Variants in SDAD1 observed in about 807,000 individuals in gnomAD.
SDAD1 encodes the protein SDA1 domain containing 1.
Under a neutral mutation model 100.3 loss-of-function variants are expected in SDAD1, and 79 were observed. That is an observed-to-expected ratio of 0.79 (90% CI 0.66 to 0.95). SDAD1 has a LOEUF of 0.95. SDAD1 is among the 40% of genes least tolerant of loss of function. SDAD1 has a pLI of 0.00. For missense variants in SDAD1, 790 were observed against 810.9 expected, an observed-to-expected ratio of 0.97 and a Z score of 0.31; for synonymous variants, 267 against 271.4, an observed-to-expected ratio of 0.98 and a Z score of 0.16.
At chr4:75,971,299 C>T (rs1023412208) in intron 9 of SDAD1, 58 bp downstream of exon 9, 22 of 1,190,746 alleles carry the variant, frequency 1.8e-5, no homozygotes, top group South Asian at 2.6e-5. Context: ...CTCTGGCTAA[C>T]GACAACATAT....
rs1290203952 is a variant in SDAD1 at position 75,990,768 on chromosome 4, G to A, written c.74C>T (p.Pro25Leu). The change falls in exon 1 of 22, where the codon CCG becomes CTG. Residue 25 changes from proline to leucine, a missense_variant. Coordinates refer to ENST00000356260, the MANE Select transcript of SDAD1 (RefSeq NM_018115.4). Reference sequence around the variant, plus strand: ...CACTCCCACCTCCTCGATGTAGGCCGGCGGGTCTCGCTTGATTAGATTCTG... The same window carrying A: ...CACTCCCACCTCCTCGATGTAGGCCAGCGGGTCTCGCTTGATTAGATTCTG... ...QLQNLIKRDPPAYIEEFLQQY... is the reference protein window; with the variant it reads ...QLQNLIKRDPLAYIEEFLQQY... The A allele has an allele frequency of 1.9e-6, 3 of 1,614,108 alleles. No individual in the cohort carries two copies. The highest frequency in any genetic ancestry group is 1.3e-5 in the African/African-American group (1 of 75,048).
chr4:75,970,010 A>G (rs1729775608), intron 10 of SDAD1, among the ~76,000 whole-genome samples: 1 of 151,278 alleles, frequency 6.6e-6, no homozygotes, highest in Non-Finnish European at 1.5e-5. Context: ...TTTTTAAAAA[A>G]GGACCAACAA....
At chr4:75,964,718 C>T (rs1910907) in intron 13 of SDAD1, among the ~76,000 whole-genome samples, 22,982 of 152,146 alleles carry the variant, frequency 0.15, 2,731 homozygotes, top group African/African-American at 0.33. Flanking sequence ...GGCAGAAGAA[C>T]ATAAATTGTG....
At chr4:75,960,996 C>A (rs775978530) in intron 16 of SDAD1, 32 bp downstream of exon 16, 11 of 1,584,468 alleles carry the variant, frequency 6.9e-6, no homozygotes, top group South Asian at 1.1e-5. Flanking sequence ...GAGACCATAA[C>A]CTTTAGACCA....
rs375225256 is a variant in SDAD1 at position 75,966,267 on chromosome 4, TACACACACACACAC to T, written c.1046-459_1046-446del. Among the ~76,000 whole-genome samples the T allele has an allele frequency of 1.2e-3, 162 of 139,284 alleles. 1 individual carries two copies. In the East Asian group the frequency reaches 0.022, roughly 19 times the overall value. The allele number at this position is 139,284 out of a possible 152,430, so 91.4% of individuals were successfully genotyped here. ...AATAAATACTTGCTGAATGAATGCATACACACACACACACACACACACACACACACACACACACA... is the reference window on the plus strand; with the variant it reads ...AATAAATACTTGCTGAATGAATGCATACACACACACACACACACACACACA... On this transcript the variant is annotated intron_variant, in intron 12 of 21. Coordinates refer to ENST00000356260, the MANE Select transcript of SDAD1 (RefSeq NM_018115.4).
At chr4:75,983,300 A>G (rs1560556648) in intron 1 of SDAD1, among the ~76,000 whole-genome samples, 1 of 152,208 alleles carries the variant, frequency 6.6e-6, no homozygotes, top group Non-Finnish European at 1.5e-5. Flanking sequence ...TCCTTTGGGT[A>G]TATACCCAGT....
In SDAD1 at chr4:75,990,785, T is replaced by C. The variant is rs754925802; in HGVS notation, c.57A>G (p.Leu19=). The C allele has an allele frequency of 5.6e-6, 9 of 1,614,038 alleles. No homozygotes were observed. In the Middle Eastern group the frequency reaches 4.9e-4, roughly 88 times the overall value. ...LPSNLPQLQN[L]IKRDPPAYIE... ...TGTAGGCCGGCGGGTCTCGCTTGAT[T>C]AGATTCTGTAACTGCGGCAGGTTGC... Residue 19 remains leucine (L), a synonymous_variant, in exon 1 of 22, where the codon CTA becomes CTG. Coordinates refer to ENST00000356260, the MANE Select transcript of SDAD1 (RefSeq NM_018115.4).
chr4:75,959,097 CAAAAAAAAAAAAA>C (rs61245198), intron 17 of SDAD1, among the ~76,000 whole-genome samples: 946 of 55,004 alleles, frequency 0.017, 21 homozygotes, highest in African/African-American at 0.073. Context: ...GACTCTGTCT[CAAAAAAAAAAAAA>C]AAAAAAAAAA....
chr4:75,974,807 C>A (rs1483799574), intron 6 of SDAD1, among the ~76,000 whole-genome samples: 2 of 151,976 alleles, frequency 1.3e-5, no homozygotes, highest in African/African-American at 4.8e-5. Context: ...TTTGGGAGGC[C>A]GAAGCGGGTG....
intron 8 of SDAD1, among the ~76,000 whole-genome samples, chr4:75,972,780 G>A (rs923335091): frequency 6.6e-6 from 1 of 150,876 alleles, no homozygotes; most frequent in Non-Finnish European, 1.5e-5. Flanking sequence ...CCAGCACTTT[G>A]GGAGGCCGAG....
chr4:75,964,214 G>A lies in SDAD1; in HGVS notation c.1105-3C>T, dbSNP rs1436142973. 2 of 1,599,146 alleles carry A rather than the reference G, an allele frequency of 1.3e-6. No individual in the cohort carries two copies. Among genetic ancestry groups the A allele is most frequent in the Middle Eastern group, 1.7e-4 (1 of 6,014 alleles). On this transcript the variant is annotated splice_region_variant and splice_polypyrimidine_tract_variant and intron_variant, in intron 13 of 21. Coordinates refer to ENST00000356260, the MANE Select transcript of SDAD1 (RefSeq NM_018115.4). ...GTCATAAGCAATGATTGAATAATCT[G>A]AATTGGAAACAAAAAAGAGATGGGT...
intron 1 of SDAD1, among the ~76,000 whole-genome samples, chr4:75,986,923 C>T (rs1011165185): frequency 1.3e-5 from 2 of 151,824 alleles, no homozygotes; most frequent in African/African-American, 2.4e-5. Flanking sequence ...GAGGCTGAGG[C>T]GGGAGGATTG....
chr4:75,957,700 C>T lies in SDAD1; in HGVS notation c.1587G>A (p.Lys529=), dbSNP rs1167525552. Residue 529 remains lysine, a synonymous_variant, in exon 19 of 22, where the codon AAG becomes AAA. Transcript: ENST00000356260. The part of the protein sequence containing the change: ...SDEEQQEISK[K]LNSMPMEERK... ...GCTCCTCCATGGGCATGCTGTTCAG[C>T]TTCTTGGACTTGAAACCACACAAGG... 1 of 1,614,198 alleles carries T rather than the reference C, an allele frequency of 6.2e-7. No individual in the cohort carries two copies. Among genetic ancestry groups the T allele is most frequent in the Non-Finnish European group, 8.5e-7 (1 of 1,180,016 alleles).
intron 1 of SDAD1, among the ~76,000 whole-genome samples, chr4:75,987,069 T>G (rs889238913): frequency 3.3e-5 from 5 of 152,176 alleles, no homozygotes; most frequent in African/African-American, 1.2e-4. Context: ...TTCTACTCTA[T>G]TTCTCTCTTC....
Position 75,960,191 on chromosome 4 carries a change from C to T in SDAD1, c.1358G>A (p.Gly453Asp). 1 of 1,564,154 alleles carries T rather than the reference C, an allele frequency of 6.4e-7. No individual in the cohort carries two copies. The highest frequency in any genetic ancestry group is 1.2e-5 in the South Asian group (1 of 82,868). Residue 453 changes from glycine (G) to aspartate (D), a missense_variant and splice_region_variant, in exon 17 of 22, where the codon GGT becomes GAT. Physicochemically the swap from Gly to Asp is moderately conservative, Grantham distance 94. Transcript: ENST00000356260. Reference protein sequence around the residue: ...NPQMLQKKFRGKPTEASIEAR... With the variant: ...NPQMLQKKFRDKPTEASIEAR... ...TTCTATGGAGGCCTCTGTAGGCTTACCCTAAAGGAAAAGAAATTGTTTGTA... is the reference window on the plus strand; with the variant it reads ...TTCTATGGAGGCCTCTGTAGGCTTATCCTAAAGGAAAAGAAATTGTTTGTA...
chr4:75,964,020 T>C, intron 14 of SDAD1, 115 bp downstream of exon 14: 1 of 698,512 alleles, frequency 1.4e-6, no homozygotes, highest in Non-Finnish European at 2.4e-6. Flanking sequence ...GAAATATATT[T>C]TAAACCAATT....
At chr4:75,980,794 T>A (rs1443201671) in intron 3 of SDAD1, 1 of 153,890 alleles carries the variant, frequency 6.5e-6, no homozygotes, top group Non-Finnish European at 1.4e-5. Context: ...AGGACTCCGA[T>A]TTAGCTGAGG....
intron 11 of SDAD1, among the ~76,000 whole-genome samples, chr4:75,968,741 A>T (rs1220408792): frequency 6.6e-6 from 1 of 152,206 alleles, no homozygotes; most frequent in Non-Finnish European, 1.5e-5. Context: ...AAAGTAAAAA[A>T]GCAGAACAGG....
chr4:75,990,888 G>C lies in SDAD1; in HGVS notation c.-47C>G, dbSNP rs1176635355. On this transcript the variant is annotated 5_prime_UTR_variant, in exon 1 of 22. Transcript: ENST00000356260. ...CGGCGAGCAGTTTTAAAAAAACTCA[G>C]ACGGCCGGCACCCCGCAATCCCTGC... The C allele has an allele frequency of 2.5e-6, 4 of 1,612,222 alleles. No homozygotes were observed. The highest frequency in any genetic ancestry group is 1.3e-5 in the African/African-American group (1 of 74,884).
Sources: gnomAD v4.1 joint callset for allele counts (sites outside exome capture counted in the v4.1 genomes callset) on GRCh38, gnomAD v4.1.1 for gene constraint, MANE v1.5 for transcripts, NCBI Gene and HGNC (gene_info 2026-07-23, HGNC 2026-07-21) for gene names.